The following CDH12 variants were observed in gnomAD, a reference collection of about 807,000 sequenced individuals.
CDH12 encodes the protein cadherin-12.
A neutral mutation model predicts 74.1 loss-of-function variants in CDH12; 41 were observed. That is an observed-to-expected ratio of 0.55 (90% confidence interval 0.43 to 0.72). The LOEUF is 0.72. CDH12 is among the 30% of genes least tolerant of loss of function. The pLI is 0.00. For missense variants in CDH12, 945 were observed against 977.2 expected (o/e 0.97, Z 0.44); for synonymous variants, 399 against 355.0 (o/e 1.12, Z -1.39).
rs530727675 is a variant in CDH12, at chr5:22,665,178, G to A, written c.-522-159814C>T. 6.6e-5 allele frequency among the ~76,000 whole-genome samples: 10 copies of A among 152,204 alleles called. No individual in the cohort carries two copies. In the East Asian group the frequency reaches 9.7e-4, roughly 15 times the overall value. Reference sequence around the variant, plus strand: ...AAACTATGGACAATAGTATAGAATCGCTAAAAATAAACCATGGCCTGCTTC... The same window carrying A: ...AAACTATGGACAATAGTATAGAATCACTAAAAATAAACCATGGCCTGCTTC... On this transcript the variant is annotated intron_variant, in intron 1 of 14. Transcript: ENST00000382254.
At chr5:21,807,614 G>T (rs935533921) in intron 9 of CDH12, among the ~76,000 whole-genome samples, 1 of 152,062 alleles carries the variant, frequency 6.6e-6, no homozygotes, top group Non-Finnish European at 1.5e-5. Flanking sequence ...CTCTTCCAGG[G>T]CTCCTCATGC....
intron 6 of CDH12, among the ~76,000 whole-genome samples, chr5:21,871,658 C>T (rs113041961): frequency 0.035 from 5,319 of 152,146 alleles, 276 homozygotes; most frequent in African/African-American, 0.11. Context: ...ACCCAGGAGG[C>T]GTAGGTTGCA....
At chr5:22,556,959 A>G (rs1212424205) in intron 1 of CDH12, among the ~76,000 whole-genome samples, 6 of 152,012 alleles carry the variant, frequency 3.9e-5, no homozygotes, top group Non-Finnish European at 4.4e-5. Context: ...ACAATTAGCA[A>G]ACACAGATGG....
intron 2 of CDH12, among the ~76,000 whole-genome samples, chr5:22,461,314 G>A (rs987640604): frequency 1.3e-5 from 2 of 151,734 alleles, no homozygotes; most frequent in Admixed American, 1.3e-4. Context: ...CTGAGGCACC[G>A]TACCTGGCCA....
intron 3 of CDH12, among the ~76,000 whole-genome samples, chr5:22,389,067 AG>A (rs1329391831): frequency 6.6e-6 from 1 of 152,190 alleles, no homozygotes; most frequent in Non-Finnish European, 1.5e-5. Context: ...ATACCTATAA[AG>A]ATCCTCTGAG....
At chr5:21,846,884 A>C (rs1010544955) in intron 7 of CDH12, among the ~76,000 whole-genome samples, 2 of 152,124 alleles carry the variant, frequency 1.3e-5, no homozygotes, top group Non-Finnish European at 2.9e-5. Flanking sequence ...TGACAAAAAA[A>C]TTTTTTGCTC....
chr5:22,317,372 A>G (rs1345656889), intron 3 of CDH12, among the ~76,000 whole-genome samples: 1 of 152,158 alleles, frequency 6.6e-6, no homozygotes, highest in East Asian at 1.9e-4. Context: ...TATTATTTGT[A>G]CCTTCTAATT....
At chr5:22,305,704 C>A (rs1024873219) in intron 3 of CDH12, among the ~76,000 whole-genome samples, 2 of 152,152 alleles carry the variant, frequency 1.3e-5, no homozygotes, top group Non-Finnish European at 2.9e-5. Context: ...CTGGGGGCAG[C>A]AAGTCCTCTG....
chr5:22,671,026 CAT>C (rs142736004), intron 1 of CDH12, among the ~76,000 whole-genome samples: 3,811 of 147,006 alleles, frequency 0.026, 118 homozygotes, highest in African/African-American at 0.079. Context: ...TATATGTGTG[CAT>C]ATATATATAT....
chr5:22,776,875 C>A (rs980448836), intron 1 of CDH12, among the ~76,000 whole-genome samples: 10 of 152,164 alleles, frequency 6.6e-5, no homozygotes, highest in African/African-American at 2.4e-4. Context: ...GACACACCAC[C>A]AATTAAGATA....
At chr5:22,642,368 C>CT (rs1739197130) in intron 1 of CDH12, among the ~76,000 whole-genome samples, 1 of 152,258 alleles carries the variant, frequency 6.6e-6, no homozygotes, top group East Asian at 1.9e-4. Context: ...GTCATGAACT[C>CT]TAAGTCTTTC....
chr5:22,500,743 AT>A (rs990355454), intron 2 of CDH12, among the ~76,000 whole-genome samples: 2 of 152,102 alleles, frequency 1.3e-5, no homozygotes, highest in Non-Finnish European at 2.9e-5. Flanking sequence ...ATGAATGCTC[AT>A]TGGTTTTAAT....
chr5:21,965,172 TG>T (rs1257403185), intron 6 of CDH12, among the ~76,000 whole-genome samples: 2 of 152,160 alleles, frequency 1.3e-5, no homozygotes, highest in Non-Finnish European at 2.9e-5. Flanking sequence ...TTAAAGAGTT[TG>T]GGGAAAATAG....
chr5:22,456,705 T>C (rs1051300516), intron 2 of CDH12, among the ~76,000 whole-genome samples: 12 of 152,148 alleles, frequency 7.9e-5, no homozygotes, highest in African/African-American at 2.9e-4. Context: ...ATTCATAATA[T>C]AAATAAATTA....
At chr5:22,669,061 G>GCT (rs1195411910) in intron 1 of CDH12, among the ~76,000 whole-genome samples, 1 of 152,042 alleles carries the variant, frequency 6.6e-6, no homozygotes, top group East Asian at 1.9e-4. Context: ...CATAACACTT[G>GCT]CTCTTTTCCT....
chr5:21,908,282 TG>T (rs1481151928), intron 6 of CDH12, among the ~76,000 whole-genome samples: 9 of 152,302 alleles, frequency 5.9e-5, no homozygotes, highest in Non-Finnish European at 1.2e-4. Flanking sequence ...TGACAGCAAT[TG>T]TAACTGCAAT....
intron 9 of CDH12, among the ~76,000 whole-genome samples, chr5:21,808,128 A>C (rs1260099678): frequency 6.6e-6 from 1 of 152,082 alleles, no homozygotes; most frequent in Non-Finnish European, 1.5e-5. Flanking sequence ...CCACAAAAAC[A>C]AAACAAACAC....
intron 4 of CDH12, among the ~76,000 whole-genome samples, chr5:22,111,694 C>A (rs1356264415): frequency 1.3e-5 from 2 of 152,144 alleles, no homozygotes; most frequent in Admixed American, 6.6e-5. Flanking sequence ...TGTTAATACA[C>A]ATCTTGCTTA....
chr5:22,006,613 A>G (rs147209373), intron 5 of CDH12, among the ~76,000 whole-genome samples: 1,541 of 152,264 alleles, frequency 0.01, 16 homozygotes, highest in African/African-American at 0.035. Context: ...GAGTTCACCT[A>G]TAGATATAAC....
Sources: allele counts gnomAD v4.1 joint callset (sites outside exome capture counted in the v4.1 genomes callset), GRCh38; gene constraint gnomAD v4.1.1; transcripts MANE v1.5; gene names NCBI Gene and HGNC (gene_info 2026-07-23, HGNC 2026-07-21).